PARD3: variants seen among roughly 807,000 people sequenced by gnomAD.
PARD3 encodes par-3 family cell polarity regulator.
A neutral mutation model predicts 155.4 loss-of-function variants in PARD3; 75 were observed. That is an observed-to-expected ratio of 0.48 (90% CI 0.40 to 0.58). The LOEUF (loss-of-function observed/expected upper bound fraction) is 0.58, where lower values mean the gene tolerates loss of function less well. Ranked by LOEUF, PARD3 falls within the 20% of genes least tolerant of loss-of-function variation. The probability of loss-of-function intolerance (pLI) is 0.00; values close to 1 mark genes in which losing one functional copy is unlikely to be tolerated. For missense variants in PARD3, 1,642 were observed against 1,721.7 expected (o/e 0.95, Z 0.82); for synonymous variants, 576 against 610.5 (o/e 0.94, Z 0.83).
At position 34,650,201 on chromosome 10, in the gene PARD3, T is replaced by C. The variant is rs528726512; in HGVS notation, c.222+46117A>G. Among the ~76,000 whole-genome samples, 5 of 152,366 alleles carry C rather than the reference T, an allele frequency of 3.3e-5. No individual in the cohort carries two copies. In the South Asian group the frequency reaches 1.0e-3, roughly 32 times the overall value. On this transcript the variant is annotated intron_variant, in intron 2 of 24. Transcript: ENST00000374788. ...CAAAGATTGTCATGATCAAGCACCATGCACCGTGCACAACTGTATGTGCTA... is the reference window on the plus strand; with the variant it reads ...CAAAGATTGTCATGATCAAGCACCACGCACCGTGCACAACTGTATGTGCTA...
At chr10:34,553,654 A>G (rs1227502038) in intron 2 of PARD3, among the ~76,000 whole-genome samples, 1 of 152,100 alleles carries the variant, frequency 6.6e-6, no homozygotes, top group African/African-American at 2.4e-5. Flanking sequence ...CAGAAGCACA[A>G]AACAAAAAGC....
chr10:34,582,829 T>C (rs1051275476), intron 2 of PARD3, among the ~76,000 whole-genome samples: 2 of 152,258 alleles, frequency 1.3e-5, no homozygotes, highest in African/African-American at 4.8e-5. Context: ...AGAATGCTAA[T>C]TGTACCTCAC....
chr10:34,235,170 T>C (rs940012095), intron 22 of PARD3, among the ~76,000 whole-genome samples: 4 of 152,234 alleles, frequency 2.6e-5, no homozygotes, highest in Non-Finnish European at 5.9e-5. Context: ...TTATTAAGTT[T>C]TGCCATATTT....
At chr10:34,494,967 C>T (rs1023101972) in intron 3 of PARD3, among the ~76,000 whole-genome samples, 1 of 152,098 alleles carries the variant, frequency 6.6e-6, no homozygotes, top group Admixed American at 6.5e-5. Flanking sequence ...CATGCTCAGA[C>T]ATTCCACACT....
intron 5 of PARD3, among the ~76,000 whole-genome samples, chr10:34,419,799 T>C (rs961620985): frequency 2.6e-5 from 4 of 152,230 alleles, no homozygotes; most frequent in African/African-American, 9.6e-5. Flanking sequence ...TCTATTATTT[T>C]ATACATAGGA....
intron 22 of PARD3, among the ~76,000 whole-genome samples, chr10:34,264,333 A>G (rs76277836): frequency 0.038 from 5,818 of 152,284 alleles, 322 homozygotes; most frequent in African/African-American, 0.13. Context: ...TGCATTTCCA[A>G]TATGTTATTT....
intron 24 of PARD3, among the ~76,000 whole-genome samples, chr10:34,113,515 A>G (rs1946501101): frequency 6.6e-6 from 1 of 150,736 alleles, no homozygotes; most frequent in African/African-American, 2.5e-5. Context: ...ACACACACAC[A>G]CACACACATA....
At chr10:34,418,270 G>A (rs937193739) in intron 5 of PARD3, among the ~76,000 whole-genome samples, 3 of 152,082 alleles carry the variant, frequency 2.0e-5, no homozygotes, top group South Asian at 2.1e-4. Flanking sequence ...GACCTCCTGG[G>A]TTCAAGTGAT....
Position 34,341,800 on chromosome 10 carries a change from G to A in PARD3, c.2235C>T (p.Ser745=), listed in dbSNP as rs1836857463. Residue 745 remains serine (S), a synonymous_variant, in exon 16 of 25, where the codon TCC becomes TCT. Transcript: ENST00000374788. ...LSRIMGKYQL[S]PTVNMPQDDT... ...CATCTTGGGGCATATTCACTGTAGG[G>A]GACAGCTGGTATTTACCTGTCCAGT... 1 of 1,608,574 alleles carries A rather than the reference G, an allele frequency of 6.2e-7. No homozygotes were observed. The highest frequency in any genetic ancestry group is 8.5e-7 in the Non-Finnish European group (1 of 1,176,406).
At chr10:34,782,323 G>A (rs972120432) in intron 1 of PARD3, among the ~76,000 whole-genome samples, 2 of 152,128 alleles carry the variant, frequency 1.3e-5, no homozygotes, top group African/African-American at 2.4e-5. Flanking sequence ...TCCACTGGGC[G>A]CTGGAGCAAA....
chr10:34,155,215 G>C (rs1029148476), intron 22 of PARD3, among the ~76,000 whole-genome samples: 2 of 152,138 alleles, frequency 1.3e-5, no homozygotes, highest in African/African-American at 4.8e-5. Flanking sequence ...GTGGTTCCAG[G>C]GGTTTCTGGA....
chr10:34,318,158 C>T (rs1295439287), intron 19 of PARD3, among the ~76,000 whole-genome samples: 1 of 152,156 alleles, frequency 6.6e-6, no homozygotes, highest in Non-Finnish European at 1.5e-5. Flanking sequence ...CACTTCAATA[C>T]CCCAAACTTT....
rs1213852235 is a variant in PARD3, at chr10:34,377,911, C to G, written c.1539+56G>C. On this transcript the variant is annotated intron_variant, in intron 10 of 24. Transcript: ENST00000374788. ...ATGAAAATGTTTTTAAAAGTTGGCT[C>G]CTGGAAATGGAACATTTCAAGAATC... 4.4e-6 allele frequency: 6 copies of G among 1,372,366 alleles called. No homozygotes were observed. In the Admixed American group the frequency reaches 8.7e-5, roughly 20 times the overall value. 85.0% of individuals were successfully genotyped at this position (1,372,366 alleles called of 1,614,324 possible).
intron 22 of PARD3, among the ~76,000 whole-genome samples, chr10:34,192,366 G>C (rs1376788001): frequency 6.6e-6 from 1 of 152,050 alleles, no homozygotes; most frequent in Admixed American, 6.6e-5. Flanking sequence ...CCAAAGTGCT[G>C]GGATTACAGG....
chr10:34,577,146 A>C (rs2025459), intron 2 of PARD3, among the ~76,000 whole-genome samples: 80,144 of 152,062 alleles, frequency 0.53, 24,511 homozygotes, highest in African/African-American at 0.86. Flanking sequence ...CAGAAAAACA[A>C]AGGAGCAGCT....
intron 2 of PARD3, among the ~76,000 whole-genome samples, chr10:34,662,255 C>T (rs1302379947): frequency 6.6e-6 from 1 of 152,138 alleles, no homozygotes; most frequent in African/African-American, 2.4e-5. Flanking sequence ...CAGGTAATAA[C>T]AAAGGCTGGC....
chr10:34,418,726 T>C (rs774405781), intron 5 of PARD3, among the ~76,000 whole-genome samples: 6 of 152,186 alleles, frequency 3.9e-5, no homozygotes, highest in Non-Finnish European at 8.8e-5. Flanking sequence ...GTGTTCCATT[T>C]TCAGAGGGCA....
chr10:34,297,692 C>G (rs889262443), intron 20 of PARD3, among the ~76,000 whole-genome samples: 1 of 152,168 alleles, frequency 6.6e-6, no homozygotes, highest in African/African-American at 2.4e-5. Context: ...TTGGCCAGCA[C>G]AATAAAGTAA....
chr10:34,630,865 A>T (rs952063705), intron 2 of PARD3, among the ~76,000 whole-genome samples: 5 of 151,722 alleles, frequency 3.3e-5, no homozygotes, highest in Non-Finnish European at 5.9e-5. Context: ...TCCAGGCTGG[A>T]GTGCAGTGGC....
Sources: gnomAD v4.1 joint callset for allele counts (sites outside exome capture counted in the v4.1 genomes callset) on GRCh38, gnomAD v4.1.1 for gene constraint, MANE v1.5 for transcripts, NCBI Gene and HGNC (gene_info 2026-07-23, HGNC 2026-07-21) for gene names.